ERICH1: variants seen among roughly 807,000 people sequenced by gnomAD.
ERICH1 encodes glutamate rich 1, also known as glutamate-rich protein 1.
In ERICH1, 56 loss-of-function variants were observed where a neutral mutation model predicts 39.6. The ratio of observed to expected loss-of-function variants is 1.41; its 90% CI spans 1.14 to 1.77. The LOEUF (loss-of-function observed/expected upper bound fraction) is 1.77. Among genes scored for constraint, ERICH1 ranks in the 40% most tolerant of loss-of-function variants. ERICH1 has a pLI of 0.00. For missense variants in ERICH1, 826 were observed against 575.4 expected, an observed-to-expected ratio of 1.44 and a Z score of -4.45; for synonymous variants, 313 against 223.6, an observed-to-expected ratio of 1.40 and a Z score of -3.57.
chr8:635,017 C>T (rs1798314251), intron 3 of ERICH1, among the ~76,000 whole-genome samples: 1 of 151,956 alleles, frequency 6.6e-6, no homozygotes, highest in Non-Finnish European at 1.5e-5. Context: ...CCTGGCCACC[C>T]GTGGCTTCAG....
At chr8:631,399 G>C (rs1305771517) in intron 3 of ERICH1, among the ~76,000 whole-genome samples, 1 of 152,210 alleles carries the variant, frequency 6.6e-6, no homozygotes, top group Non-Finnish European at 1.5e-5. Flanking sequence ...GGTGTGCGGG[G>C]CAGGGGGCAG....
At chr8:679,206 C>T (rs1287168469) in intron 3 of ERICH1, among the ~76,000 whole-genome samples, 1 of 132,782 alleles carries the variant, frequency 7.5e-6, no homozygotes, top group East Asian at 2.2e-4. Context: ...CAGTCCCTCT[C>T]AGCAGTGACC....
At chr8:643,974 T>G (rs2117256875) in intron 3 of ERICH1, among the ~76,000 whole-genome samples, 1 of 152,338 alleles carries the variant, frequency 6.6e-6, no homozygotes, top group South Asian at 2.1e-4. Context: ...ACGGTGGGCC[T>G]GACGGGGCGG....
intron 2 of ERICH1, among the ~76,000 whole-genome samples, chr8:700,774 C>G (rs1352012466): frequency 6.6e-6 from 1 of 152,270 alleles, no homozygotes; most frequent in Non-Finnish European, 1.5e-5. Flanking sequence ...CTGTCTTTCA[C>G]AGACTCTTAA....
At chr8:642,386 C>T (rs1445180502) in intron 3 of ERICH1, among the ~76,000 whole-genome samples, 2 of 139,630 alleles carry the variant, frequency 1.4e-5, no homozygotes, top group East Asian at 4.3e-4. Flanking sequence ...GCTCTGTCGC[C>T]CAGGCTGGAG....
At chr8:640,771 T>C (rs924731188) in intron 3 of ERICH1, 17 of 152,250 alleles carry the variant, frequency 1.1e-4, no homozygotes, top group African/African-American at 4.1e-4. Flanking sequence ...GGAATACTTT[T>C]CCACGTTGGG....
intron 2 of ERICH1, among the ~76,000 whole-genome samples, chr8:699,949 G>A (rs1241889187): frequency 7.4e-6 from 1 of 134,684 alleles, no homozygotes; most frequent in Non-Finnish European, 1.6e-5. Flanking sequence ...CCGCACACGC[G>A]CACAGGCCCG....
intron 2 of ERICH1, among the ~76,000 whole-genome samples, chr8:706,032 G>A (rs888184258): frequency 1.3e-5 from 2 of 152,186 alleles, no homozygotes; most frequent in Non-Finnish European, 2.9e-5. Flanking sequence ...CACTCACCAT[G>A]GTGTTACAGT....
chr8:622,584 G>A (rs985920625), intron 3 of ERICH1, among the ~76,000 whole-genome samples: 1 of 152,118 alleles, frequency 6.6e-6, no homozygotes, highest in African/African-American at 2.4e-5. Flanking sequence ...CCAGTCTGAG[G>A]TATTTTGATA....
chr8:654,253 C>G (rs1254013796), intron 3 of ERICH1, among the ~76,000 whole-genome samples: 2 of 152,196 alleles, frequency 1.3e-5, no homozygotes, highest in Non-Finnish European at 2.9e-5. Flanking sequence ...CATCCTAAGG[C>G]AACGTAACCG....
At chr8:652,099 G>A (rs1202598779) in intron 3 of ERICH1, among the ~76,000 whole-genome samples, 1 of 152,308 alleles carries the variant, frequency 6.6e-6, no homozygotes, top group South Asian at 2.1e-4. Flanking sequence ...ACCACCGACG[G>A]CTCTGCACTC....
chr8:718,555 T>A (rs556075835), intron 1 of ERICH1, among the ~76,000 whole-genome samples: 1 of 152,344 alleles, frequency 6.6e-6, no homozygotes, highest in South Asian at 2.1e-4. Context: ...AAAATGGAAG[T>A]AGAAGGCGGG....
chr8:664,284 A>C lies in ERICH1; in HGVS notation c.*319T>G. ...ACAAGGTGATTCAAAACTTCATAAAAATATATGAGCTTCAAACTATACATT... is the reference window on the plus strand; with the variant it reads ...ACAAGGTGATTCAAAACTTCATAAACATATATGAGCTTCAAACTATACATT... On this transcript the variant is annotated 3_prime_UTR_variant, in exon 6 of 6. Coordinates refer to ENST00000262109, the MANE Select transcript of ERICH1 (RefSeq NM_207332.3). 9.8e-7 allele frequency: 1 copy of C among 1,023,404 alleles called. No individual in the cohort carries two copies. The highest frequency in any genetic ancestry group is 1.2e-6 in the Non-Finnish European group (1 of 855,272). The allele number at this position is 1,023,404 out of a possible 1,614,324, so 63.4% of individuals were successfully genotyped here. A position where few individuals can be genotyped will look rare whatever the true frequency, so the allele number is the denominator to read the frequency against.
intron 2 of ERICH1, among the ~76,000 whole-genome samples, chr8:693,384 G>A (rs1472157345): frequency 1.3e-5 from 2 of 152,226 alleles, no homozygotes; most frequent in Non-Finnish European, 2.9e-5. Flanking sequence ...ATGACATATT[G>A]TAACTTAAAT....
intron 3 of ERICH1, among the ~76,000 whole-genome samples, chr8:642,501 C>A (rs930749346): frequency 6.6e-6 from 1 of 151,904 alleles, no homozygotes; most frequent in Non-Finnish European, 1.5e-5. Context: ...CCAGCCACCA[C>A]GCCCGGCTAA....
chr8:630,230 CCACACAGA>C, intron 3 of ERICH1, among the ~76,000 whole-genome samples: 1 of 137,564 alleles, frequency 7.3e-6, no homozygotes, highest in East Asian at 2.2e-4. Context: ...CTGTGACCAC[CCACACAGA>C]CAGAGCTGAC....
chr8:726,718 GCA>G (rs1474801619), intron 1 of ERICH1, among the ~76,000 whole-genome samples: 2 of 147,934 alleles, frequency 1.4e-5, no homozygotes, highest in South Asian at 2.2e-4. Flanking sequence ...ACACACACAG[GCA>G]CACACAGGCA....
Position 673,760 on chromosome 8 carries a change from C to T in ERICH1, c.592G>A (p.Glu198Lys). The change falls in exon 4 of 6, where the codon GAA (glutamate) becomes AAA (lysine). Residue 198 changes from glutamate to lysine, a missense_variant. Coordinates refer to ENST00000262109, the MANE Select transcript of ERICH1 (RefSeq NM_207332.3). ...CAAGCCTCTCCCACGCCTTCCCCTT[C>T]ATTGCTGCTGTCCTCGGGCTGGTAC... ...FMYQPEDSSNEGEGVGEACEE... is the reference protein window; with the variant it reads ...FMYQPEDSSNKGEGVGEACEE... The T allele has an allele frequency of 2.5e-6, 4 of 1,614,020 alleles. No homozygotes were observed. Among genetic ancestry groups the T allele is most frequent in the Non-Finnish European group, 3.4e-6 (4 of 1,180,030 alleles).
chr8:629,124 T>A (rs1348065692), intron 3 of ERICH1, among the ~76,000 whole-genome samples: 1 of 152,012 alleles, frequency 6.6e-6, no homozygotes, highest in Admixed American at 6.5e-5. Flanking sequence ...GTGAGCCCAG[T>A]CACATGACGA....
Sources: gnomAD v4.1 joint callset for allele counts (sites outside exome capture counted in the v4.1 genomes callset) on GRCh38, gnomAD v4.1.1 for gene constraint, MANE v1.5 for transcripts, NCBI Gene and HGNC (gene_info 2026-07-23, HGNC 2026-07-21) for gene names.